Variants in ESR1 observed in about 807,000 individuals in gnomAD.
ESR1 encodes the protein estrogen receptor 1, also known as estrogen receptor.
In ESR1, 12 loss-of-function variants were observed where a neutral mutation model predicts 52.7. The ratio of observed to expected loss-of-function variants is 0.23; its 90% confidence interval spans 0.15 to 0.37. The LOEUF is 0.37. Ranked by LOEUF, ESR1 falls within the 10% of genes least tolerant of loss-of-function variation. The pLI is 1.00. For missense variants in ESR1, 584 were observed against 779.7 expected (o/e 0.75, Z 2.99); for synonymous variants, 305 against 316.8 (o/e 0.96, Z 0.39).
chr6:151,841,128 G>A (rs1163316930), intron 1 of ESR1, among the ~76,000 whole-genome samples: 2 of 152,012 alleles, frequency 1.3e-5, no homozygotes, highest in Admixed American at 1.3e-4. Context: ...TTCCTTCTTG[G>A]CTTTATTCTT....
At chr6:152,122,865 C>G (rs1260085552) in intron 6 of ESR1, among the ~76,000 whole-genome samples, 1 of 152,146 alleles carries the variant, frequency 6.6e-6, no homozygotes, top group Non-Finnish European at 1.5e-5. Context: ...GGAAACTGCA[C>G]TGACAAGAAA....
rs1355646511 is a variant in ESR1, at chr6:151,762,308, G to A, written c.-70-45535G>A. ...ATGTTTTTAGAACATCCATTGGGAA[G>A]CATGTTGTACAGCTTGTAGTAAAAC... On this transcript the variant is annotated intron_variant, in intron 2 of 2. Coordinates refer to the ESR1 transcript ENST00000404742. 2.0e-5 allele frequency among the ~76,000 whole-genome samples: 3 copies of A among 152,208 alleles called. No homozygotes were observed. The South Asian group carries it at 6.2e-4, about 31-fold the overall frequency.
At position 152,098,009 on chromosome 6, in the gene ESR1, A is replaced by G. The variant is rs1252168358; in HGVS notation, c.1554-723A>G. Among the ~76,000 whole-genome samples, 1 of 152,222 alleles carries G rather than the reference A, an allele frequency of 6.6e-6. No homozygotes were observed. The highest frequency in any genetic ancestry group is 1.5e-5 in the Non-Finnish European group (1 of 68,036). On this transcript the variant is annotated intron_variant, in intron 7 of 7. Transcript: ENST00000206249. The surrounding 1 kb of genome is among the most constrained non-coding windows in gnomAD (Gnocchi z 5.1). The stretch of plus-strand genomic sequence containing the variant: ...GAGGCTGCTGCCACTGGGTAGCGGT[A>G]GGCCTTTCCGAGGAGGCGGCATTTG...
intron 3 of ESR1, among the ~76,000 whole-genome samples, chr6:151,942,931 GT>G (rs1157892708): frequency 5.9e-5 from 9 of 152,008 alleles, no homozygotes; most frequent in South Asian, 2.1e-4. Flanking sequence ...TAAAATAGTT[GT>G]TTTTTTGCAG....
chr6:151,938,206 A>G (rs1584346060), intron 3 of ESR1, among the ~76,000 whole-genome samples: 2 of 152,178 alleles, frequency 1.3e-5, no homozygotes, highest in African/African-American at 2.4e-5. Flanking sequence ...ATATTATACT[A>G]GTTTTTTTTC....
At chr6:152,060,915 C>G in intron 5 of ESR1, 76 bp from the exon 6 acceptor site, 1 of 1,189,598 alleles carries the variant, frequency 8.4e-7, no homozygotes, top group Non-Finnish European at 1.2e-6. Flanking sequence ...GAATGTGAAC[C>G]CTTTCATGTC....
At chr6:151,718,343 C>T (rs1327215965) in intron 2 of ESR1, among the ~76,000 whole-genome samples, 2 of 152,160 alleles carry the variant, frequency 1.3e-5, no homozygotes, top group African/African-American at 4.8e-5. Flanking sequence ...TTGCAACTTA[C>T]CATTTTAATG....
intron 2 of ESR1, among the ~76,000 whole-genome samples, chr6:151,723,732 G>A (rs996511345): frequency 6.6e-6 from 1 of 152,024 alleles, no homozygotes; most frequent in African/African-American, 2.4e-5. Context: ...AGCTGGGCGT[G>A]GTGGAGCATT....
At chr6:152,036,801 A>G (rs2045345579) in intron 5 of ESR1, among the ~76,000 whole-genome samples, 1 of 152,222 alleles carries the variant, frequency 6.6e-6, no homozygotes, top group African/African-American at 2.4e-5. Flanking sequence ...GATGGAAGAC[A>G]AGATACTGCT....
intron 5 of ESR1, among the ~76,000 whole-genome samples, chr6:152,030,854 C>T (rs1426880002): frequency 5.9e-5 from 9 of 152,260 alleles, no homozygotes; most frequent in Non-Finnish European, 8.8e-5. Flanking sequence ...AGCACCACGC[C>T]GGACTTAATC....
chr6:151,658,587 A>G (rs1465294931), intron 1 of ESR1, among the ~76,000 whole-genome samples: 1 of 152,202 alleles, frequency 6.6e-6, no homozygotes, highest in Non-Finnish European at 1.5e-5. Flanking sequence ...TGAAGTGTAT[A>G]TTTATAAATA....
chr6:151,768,597 T>G (rs894999880), intron 2 of ESR1, among the ~76,000 whole-genome samples: 13 of 152,166 alleles, frequency 8.5e-5, no homozygotes, highest in Non-Finnish European at 1.8e-4. Flanking sequence ...GGGGTTAAGT[T>G]AAAACATAAG....
chr6:151,694,952 G>A (rs530649050), intron 1 of ESR1, among the ~76,000 whole-genome samples: 22 of 146,496 alleles, frequency 1.5e-4, no homozygotes, highest in African/African-American at 5.1e-4. Flanking sequence ...AACAGAAAGT[G>A]TGCCAGGGTG....
intron 6 of ESR1, among the ~76,000 whole-genome samples, chr6:152,108,727 G>C (rs1346103157): frequency 6.6e-6 from 1 of 152,110 alleles, no homozygotes; most frequent in Non-Finnish European, 1.5e-5. Context: ...GCCTGACTGG[G>C]GCTGGATTAC....
At chr6:151,880,181 G>GTTTTTTTTTTTTT (rs71017515) in intron 2 of ESR1, among the ~76,000 whole-genome samples, 3 of 116,354 alleles carry the variant, frequency 2.6e-5, no homozygotes, top group Non-Finnish European at 3.3e-5. Flanking sequence ...TTTTTGTTCT[G>GTTTTTTTTTTTTT]TTTTTTTTTT....
chr6:152,018,927 G>T (rs1463193192), intron 5 of ESR1, among the ~76,000 whole-genome samples: 2 of 152,054 alleles, frequency 1.3e-5, no homozygotes, highest in Non-Finnish European at 2.9e-5. Context: ...TTCATTCAAT[G>T]TGTGAGAATA....
intron 3 of ESR1, among the ~76,000 whole-genome samples, chr6:151,912,237 C>CAA (rs1798380971): frequency 6.6e-6 from 1 of 152,230 alleles, no homozygotes; most frequent in African/African-American, 2.4e-5. Flanking sequence ...CTGTATCTTA[C>CAA]ATTATGTTTG....
At chr6:152,052,043 G>C (rs2046723361) in intron 5 of ESR1, among the ~76,000 whole-genome samples, 1 of 152,186 alleles carries the variant, frequency 6.6e-6, no homozygotes, top group Admixed American at 6.5e-5. Flanking sequence ...TTTGCAAACT[G>C]TACAAGAAGC....
At chr6:151,956,315 A>G (rs960948915) in intron 4 of ESR1, among the ~76,000 whole-genome samples, 2 of 152,248 alleles carry the variant, frequency 1.3e-5, no homozygotes, top group Non-Finnish European at 2.9e-5. Flanking sequence ...AACACACCAG[A>G]GAACAAAATT....
Sources: allele counts gnomAD v4.1 joint callset (sites outside exome capture counted in the v4.1 genomes callset), GRCh38; gene constraint gnomAD v4.1.1; non-coding constraint Gnocchi (gnomAD v3.1); transcripts MANE v1.5; gene names NCBI Gene and HGNC (gene_info 2026-07-23, HGNC 2026-07-21).